The following CNOT9 variants were observed in gnomAD, a reference collection of about 807,000 sequenced individuals.
CNOT9 encodes CCR4-NOT transcription complex subunit 9, also known as RCD1 required for cell differentiation1 homolog.
Under a neutral mutation model 37.4 loss-of-function variants are expected in CNOT9, and 8 were observed. The ratio of observed to expected loss-of-function variants is 0.21; its 90% CI spans 0.13 to 0.39. CNOT9 has a LOEUF of 0.39. CNOT9 is among the 10% of genes least tolerant of loss of function. CNOT9 has a pLI of 1.00. For synonymous variants in CNOT9, 120 were observed against 137.6 expected (o/e 0.87, Z 0.90); for missense variants, 154 against 365.3 (o/e 0.42, Z 4.71).
At chr2:218,576,924 A>C (rs1188832264) in intron 1 of CNOT9, among the ~76,000 whole-genome samples, 1 of 150,170 alleles carries the variant, frequency 6.7e-6, no homozygotes. Context: ...CTGAGATCAC[A>C]CCACTGCACT....
At position 218,592,809 on chromosome 2, in the gene CNOT9, G is replaced by A; in HGVS notation, c.731+102G>A. On this transcript the variant is annotated intron_variant, in intron 7 of 7. Coordinates refer to ENST00000273064, the MANE Select transcript of CNOT9 (RefSeq NM_005444.3). The surrounding 1 kb of genome is among the most constrained non-coding windows in gnomAD (Gnocchi z 4.1). ...TGTGTCTTTAGGACAGGGAAGTGGG[G>A]ATATAACTGCATTTAGTTTGTCTGA... The A allele has an allele frequency of 1.1e-6, 1 of 871,370 alleles. No homozygotes were observed. Among genetic ancestry groups the A allele is most frequent in the Non-Finnish European group, 1.9e-6 (1 of 535,944 alleles). 54.0% of individuals were successfully genotyped at this position (871,370 alleles called of 1,614,324 possible). A position where few individuals can be genotyped will look rare whatever the true frequency, so the allele number is the denominator to read the frequency against.
rs897606961 is a variant in CNOT9, at chr2:218,594,336, G to A, written c.*60G>A. On this transcript the variant is annotated 3_prime_UTR_variant, in exon 8 of 8. Transcript: ENST00000273064. ...TGGGGAAAGGAGGGGGAACCTACGA[G>A]AAAAACAGCTCAGGTTTTATCACCG... The A allele has an allele frequency of 2.0e-6, 3 of 1,516,404 alleles. No individual in the cohort carries two copies. The highest frequency in any genetic ancestry group is 1.8e-6 in the Non-Finnish European group (2 of 1,120,162). The allele number at this position is 1,516,404 out of a possible 1,614,324, so 93.9% of individuals were successfully genotyped here. A position where few individuals can be genotyped will look rare whatever the true frequency, so the allele number is the denominator to read the frequency against.
Position 218,592,224 on chromosome 2 carries a change from C to T in CNOT9, c.541-80C>T. ...CTTGCTCAATTTTCTGACTGATAGTCATGCCTGGGAAAATGAGTAGAAAAT... is the reference window on the plus strand; with the variant it reads ...CTTGCTCAATTTTCTGACTGATAGTTATGCCTGGGAAAATGAGTAGAAAAT... On this transcript the variant is annotated intron_variant, in intron 5 of 7. Transcript: ENST00000273064. This position sits in a 1 kb window ranked among gnomAD's most constrained non-coding sequence, Gnocchi z 4.1. 9.7e-7 allele frequency: 1 copy of T among 1,032,302 alleles called. No individual in the cohort carries two copies. Among genetic ancestry groups the T allele is most frequent in the Non-Finnish European group, 1.5e-6 (1 of 667,440 alleles). 63.9% of individuals were successfully genotyped at this position (1,032,302 alleles called of 1,614,324 possible).
rs779672109 is a variant in CNOT9, at chr2:218,594,310, T to G, written c.*34T>G. 1.9e-6 allele frequency: 3 copies of G among 1,573,760 alleles called. No homozygotes were observed. Among genetic ancestry groups the G allele is most frequent in the Admixed American group, 1.9e-5 (1 of 53,142 alleles). On this transcript the variant is annotated 3_prime_UTR_variant, in exon 8 of 8. Coordinates refer to ENST00000273064, the MANE Select transcript of CNOT9 (RefSeq NM_005444.3). Reference sequence around the variant, plus strand: ...TGTTCCCTCCCACTACTCCCCCAAGTTGGGGAAAGGAGGGGGAACCTACGA... The same window carrying G: ...TGTTCCCTCCCACTACTCCCCCAAGGTGGGGAAAGGAGGGGGAACCTACGA...
intron 2 of CNOT9, among the ~76,000 whole-genome samples, chr2:218,582,144 G>C (rs1694408331): frequency 6.6e-6 from 1 of 151,990 alleles, no homozygotes; most frequent in Admixed American, 6.6e-5. Context: ...TTGACAGATA[G>C]TGCATATATT....
At chr2:218,591,774 A>G (rs1439393477) in intron 5 of CNOT9, among the ~76,000 whole-genome samples, 2 of 151,996 alleles carry the variant, frequency 1.3e-5, no homozygotes, top group Non-Finnish European at 2.9e-5. Flanking sequence ...AAAGAAAGAA[A>G]GGCCTTACTT....
chr2:218,570,596 A>G (rs765126065), intron 1 of CNOT9, among the ~76,000 whole-genome samples: 2 of 152,206 alleles, frequency 1.3e-5, no homozygotes. Flanking sequence ...GTGTGCTGCT[A>G]TTAGGGGAAA....
At chr2:218,578,972 C>G (rs561249998) in intron 1 of CNOT9, among the ~76,000 whole-genome samples, 1 of 152,122 alleles carries the variant, frequency 6.6e-6, no homozygotes, top group South Asian at 2.1e-4. Flanking sequence ...ATGAATGGTT[C>G]TCAAAGGGAT....
At chr2:218,573,223 C>A (rs143165229) in intron 1 of CNOT9, among the ~76,000 whole-genome samples, 1 of 151,332 alleles carries the variant, frequency 6.6e-6, no homozygotes, top group Non-Finnish European at 1.5e-5. Flanking sequence ...GAGGCTGAGG[C>A]AGGACAATCG....
intron 4 of CNOT9, among the ~76,000 whole-genome samples, chr2:218,586,928 T>A (rs1191882196): frequency 2.0e-5 from 3 of 152,220 alleles, no homozygotes; most frequent in African/African-American, 7.2e-5. Flanking sequence ...GGAACTAGAA[T>A]ATCCAAACAT....
Position 218,594,488 on chromosome 2 carries a change from A to G in CNOT9, c.*212A>G. On this transcript the variant is annotated 3_prime_UTR_variant, in exon 8 of 8. Transcript: ENST00000273064. ...TGGGCTCCCTCTGCTACTCCCAGGA[A>G]ATGGGCTCCTGACACAGCAGTCTGC... 3 of 566,828 alleles carry G rather than the reference A, an allele frequency of 5.3e-6. No individual in the cohort carries two copies. The South Asian group carries it at 6.9e-5, about 13-fold the overall frequency. 35.1% of individuals were successfully genotyped at this position (566,828 alleles called of 1,614,324 possible). A position where few individuals can be genotyped will look rare whatever the true frequency, so the allele number is the denominator to read the frequency against.
chr2:218,576,491 A>T (rs549767437), intron 1 of CNOT9, among the ~76,000 whole-genome samples: 1 of 152,198 alleles, frequency 6.6e-6, no homozygotes, highest in Non-Finnish European at 1.5e-5. Flanking sequence ...TCTGAAAACA[A>T]TACCTATTAA....
chr2:218,574,727 T>C (rs1694109495), intron 1 of CNOT9, among the ~76,000 whole-genome samples: 1 of 152,226 alleles, frequency 6.6e-6, no homozygotes, highest in African/African-American at 2.4e-5. Flanking sequence ...ATATTAATAA[T>C]TTCTGGAAAA....
intron 1 of CNOT9, among the ~76,000 whole-genome samples, chr2:218,572,436 G>T (rs1013212135): frequency 2.7e-5 from 4 of 150,216 alleles, no homozygotes; most frequent in Non-Finnish European, 4.4e-5. Context: ...CAAATTAAAG[G>T]CTCACACACC....
At chr2:218,588,850 CAGGCGTGAG>C (rs983536890) in intron 5 of CNOT9, among the ~76,000 whole-genome samples, 1 of 151,820 alleles carries the variant, frequency 6.6e-6, no homozygotes, top group African/African-American at 2.4e-5. Flanking sequence ...GCTGGGATTA[CAGGCGTGAG>C]CCACCTCACC....
intron 2 of CNOT9, 23 bp from the exon 3 acceptor site, chr2:218,582,948 T>C (rs935604884): frequency 1.1e-5 from 15 of 1,341,142 alleles, no homozygotes; most frequent in Non-Finnish European, 1.6e-5. Flanking sequence ...CTTATTCATC[T>C]GATGCTGATT....
Position 218,568,997 on chromosome 2 carries a change from A to G in CNOT9, c.24+19A>G, listed in dbSNP as rs1693835061. On this transcript the variant is annotated intron_variant, in intron 1 of 7. Transcript: ENST00000273064. The stretch of plus-strand genomic sequence containing the variant: ...GGCTGCGGTGAGTGGCTGGGCCCCC[A>G]GGCTTGGAACCAGAATCCTTTCTCA... 1 of 1,610,584 alleles carries G rather than the reference A, an allele frequency of 6.2e-7. No individual in the cohort carries two copies.
At chr2:218,583,359 G>A (rs1694482317) in intron 3 of CNOT9, among the ~76,000 whole-genome samples, 1 of 151,574 alleles carries the variant, frequency 6.6e-6, no homozygotes, top group Admixed American at 6.6e-5. Context: ...TACAGGAAAG[G>A]TATCAGGCAT....
At chr2:218,593,862 C>T (rs1293340609) in intron 7 of CNOT9, 1 of 1,210,118 alleles carries the variant, frequency 8.3e-7, no homozygotes. Context: ...ACTATTGAAC[C>T]TTTTAATTTT....
Sources: allele counts gnomAD v4.1 joint callset (sites outside exome capture counted in the v4.1 genomes callset), GRCh38; gene constraint gnomAD v4.1.1; non-coding constraint Gnocchi (gnomAD v3.1); transcripts MANE v1.5; gene names NCBI Gene and HGNC (gene_info 2026-07-23, HGNC 2026-07-21).